COL11A1: variants seen among roughly 807,000 people sequenced by gnomAD.
COL11A1 encodes collagen type XI alpha 1 chain.
COL11A1 carries 74 observed loss-of-function variants against 265.2 expected under a neutral mutation model. That is an observed-to-expected ratio of 0.28 (90% CI 0.23 to 0.34). COL11A1 has a LOEUF of 0.34. Among genes scored for constraint, COL11A1 ranks in the 10% least tolerant of loss-of-function variants. The probability of loss-of-function intolerance (pLI) is 1.00; values close to 1 mark genes in which losing one functional copy is unlikely to be tolerated. For synonymous variants in COL11A1, 816 were observed against 727.6 expected (o/e 1.12, Z -1.96); for missense variants, 2,165 against 2,263.6 (o/e 0.96, Z 0.88).
At chr1:103,010,283 A>G (rs1420484680) in intron 14 of COL11A1, among the ~76,000 whole-genome samples, 1 of 152,178 alleles carries the variant, frequency 6.6e-6, no homozygotes, top group East Asian at 1.9e-4. Flanking sequence ...CTATAGAATT[A>G]AGAGATATTT....
chr1:102,903,941 C>T (rs904555681), intron 54 of COL11A1, among the ~76,000 whole-genome samples: 1 of 152,146 alleles, frequency 6.6e-6, no homozygotes, highest in African/African-American at 2.4e-5. Flanking sequence ...TGGCTCACTG[C>T]AGCCTCGAAC....
rs533074948 is a variant in COL11A1, at chr1:102,988,273, A to G, written c.2395-533T>C. On this transcript the variant is annotated intron_variant, in intron 29 of 66. Coordinates refer to ENST00000370096, the MANE Select transcript of COL11A1 (RefSeq NM_001854.4). ...CACAAGGACCATTTTCCATACCCCT[A>G]TGATTGCATCCTCAACCAAGCAGCA... Among the ~76,000 whole-genome samples the G allele has an allele frequency of 1.3e-3, 197 of 152,230 alleles. 1 individual carries two copies. The highest frequency in any genetic ancestry group is 0.01 in the Middle Eastern group (3 of 294).
intron 31 of COL11A1, 63 bp downstream of exon 31, chr1:102,984,075 T>A: frequency 8.9e-7 from 1 of 1,118,804 alleles, no homozygotes; most frequent in Non-Finnish European, 1.4e-6. Context: ...TGTAAGGTAA[T>A]CATAAGTGAT....
chr1:102,919,063 A>T (rs1262532890), intron 49 of COL11A1, among the ~76,000 whole-genome samples: 1 of 152,054 alleles, frequency 6.6e-6, no homozygotes, highest in Non-Finnish European at 1.5e-5. Flanking sequence ...ATCTGATGAT[A>T]TCCTCAGAGA....
chr1:102,989,065 T>C (rs2622857), intron 29 of COL11A1, among the ~76,000 whole-genome samples: 22,591 of 152,102 alleles, frequency 0.15, 1,802 homozygotes, highest in Middle Eastern at 0.17. Flanking sequence ...AAAAAACTAC[T>C]ATTTTTACAT....
chr1:102,977,819 C>A (rs1416595411), intron 35 of COL11A1, among the ~76,000 whole-genome samples: 2 of 152,058 alleles, frequency 1.3e-5, no homozygotes, highest in Non-Finnish European at 2.9e-5. Flanking sequence ...AAAGACTTAA[C>A]ACAACTCTAA....
At chr1:103,000,906 G>A (rs576313425) in intron 24 of COL11A1, 10 of 351,718 alleles carry the variant, frequency 2.8e-5, no homozygotes, top group Non-Finnish European at 5.1e-5. Flanking sequence ...CCCAATCAAT[G>A]GAATACTATG....
At chr1:103,055,078 T>C (rs1670137268) in intron 4 of COL11A1, among the ~76,000 whole-genome samples, 1 of 152,206 alleles carries the variant, frequency 6.6e-6, no homozygotes, top group Non-Finnish European at 1.5e-5. Context: ...ATCTTGTCTG[T>C]AATCTCAGAG....
At chr1:102,945,070 C>A (rs1018665036) in intron 42 of COL11A1, among the ~76,000 whole-genome samples, 14 of 151,768 alleles carry the variant, frequency 9.2e-5, no homozygotes, top group Admixed American at 7.9e-4. Context: ...TTTTTATTTG[C>A]TACAGTTTGA....
chr1:102,931,778 G>A (rs1330256557), intron 46 of COL11A1, among the ~76,000 whole-genome samples: 1 of 151,882 alleles, frequency 6.6e-6, no homozygotes, highest in East Asian at 1.9e-4. Context: ...TGGTGCTCCT[G>A]TATTGGGTGC....
chr1:103,104,094 A>C (rs145348951), intron 1 of COL11A1, among the ~76,000 whole-genome samples: 1 of 152,176 alleles, frequency 6.6e-6, no homozygotes, highest in African/African-American at 2.4e-5. Flanking sequence ...CAATTTCTAT[A>C]ATTTCTAGTG....
chr1:103,022,111 C>T (rs566869005), intron 8 of COL11A1, among the ~76,000 whole-genome samples: 73 of 151,898 alleles, frequency 4.8e-4, no homozygotes, highest in African/African-American at 1.7e-3. Context: ...CCGCCTCTGC[C>T]TCCCAAAGTG....
At chr1:103,044,374 G>T (rs552018295) in intron 4 of COL11A1, among the ~76,000 whole-genome samples, 1 of 151,974 alleles carries the variant, frequency 6.6e-6, no homozygotes, top group Non-Finnish European at 1.5e-5. Flanking sequence ...CTTGTATTGC[G>T]CAGAATCCCA....
At chr1:102,907,357 T>C (rs921742592) in intron 54 of COL11A1, among the ~76,000 whole-genome samples, 1 of 152,102 alleles carries the variant, frequency 6.6e-6, no homozygotes, top group African/African-American at 2.4e-5. Flanking sequence ...ACTCAACTAA[T>C]GTACTATCTC....
At chr1:102,979,137 A>G (rs1262649003) in intron 32 of COL11A1, 33 bp from the exon 33 acceptor site, 13 of 1,597,816 alleles carry the variant, frequency 8.1e-6, no homozygotes, top group Non-Finnish European at 1.1e-5. Flanking sequence ...AATATGCAGT[A>G]TATCACAGTA....
chr1:103,005,271 C>T (rs1665492290), intron 18 of COL11A1, among the ~76,000 whole-genome samples: 1 of 152,050 alleles, frequency 6.6e-6, no homozygotes, highest in Admixed American at 6.6e-5. Flanking sequence ...AGATCTAAAG[C>T]TGATCTTTTT....
At chr1:102,878,913 G>T (rs1023757076) in intron 66 of COL11A1, among the ~76,000 whole-genome samples, 1 of 151,874 alleles carries the variant, frequency 6.6e-6, no homozygotes, top group African/African-American at 2.4e-5. Flanking sequence ...AACACACAAG[G>T]TCAAATGTCA....
chr1:103,003,162 G>T (rs915245097), intron 21 of COL11A1, 53 bp downstream of exon 21: 22 of 1,591,712 alleles, frequency 1.4e-5, no homozygotes, highest in Middle Eastern at 1.7e-4. Flanking sequence ...GCCTCTAAAA[G>T]GTTGGCAACA....
At chr1:103,047,284 G>C (rs1038050002) in intron 4 of COL11A1, among the ~76,000 whole-genome samples, 1 of 152,048 alleles carries the variant, frequency 6.6e-6, no homozygotes, top group Non-Finnish European at 1.5e-5. Context: ...TTATTTCATT[G>C]AGCAGTGGTT....
Sources: allele counts gnomAD v4.1 joint callset (sites outside exome capture counted in the v4.1 genomes callset), GRCh38; gene constraint gnomAD v4.1.1; transcripts MANE v1.5; gene names NCBI Gene and HGNC (gene_info 2026-07-23, HGNC 2026-07-21).